KCNH5: variants seen among roughly 807,000 people sequenced by gnomAD.
KCNH5 encodes voltage-gated delayed rectifier potassium channel KCNH5.
Under a neutral mutation model 96.1 loss-of-function variants are expected in KCNH5, and 46 were observed. The observed-to-expected ratio is 0.48, with a 90% CI of 0.38 to 0.61. The LOEUF is 0.61. Ranked by LOEUF, KCNH5 falls within the 20% of genes least tolerant of loss-of-function variation. KCNH5 has a pLI of 0.00. For synonymous variants in KCNH5, 439 were observed against 449.8 expected (o/e 0.98, Z 0.30); for missense variants, 907 against 1,225.8 (o/e 0.74, Z 3.88).
intron 9 of KCNH5, among the ~76,000 whole-genome samples, chr14:62,790,346 CT>C (rs1886407668): frequency 6.6e-6 from 1 of 151,752 alleles, no homozygotes; most frequent in African/African-American, 2.4e-5. Flanking sequence ...ATGCCTCCAA[CT>C]TTGTTCTTTC....
At chr14:62,996,140 G>A (rs1465908666) in intron 4 of KCNH5, among the ~76,000 whole-genome samples, 1 of 152,118 alleles carries the variant, frequency 6.6e-6, no homozygotes, top group Admixed American at 6.6e-5. Context: ...TAGAAAGATA[G>A]GTGCTTATGC....
chr14:62,977,283 C>A (rs1890519867), intron 6 of KCNH5, among the ~76,000 whole-genome samples: 1 of 151,998 alleles, frequency 6.6e-6, no homozygotes, highest in African/African-American at 2.4e-5. Flanking sequence ...AGGAGAATCG[C>A]TTGAACCTGG....
intron 9 of KCNH5, among the ~76,000 whole-genome samples, chr14:62,797,829 C>A (rs554069505): frequency 2.4e-4 from 36 of 151,906 alleles, no homozygotes; most frequent in African/African-American, 8.7e-4. Context: ...AATTCTCATG[C>A]CTCAGCCTCC....
At chr14:62,909,755 G>A (rs575128411) in intron 7 of KCNH5, among the ~76,000 whole-genome samples, 95 of 152,038 alleles carry the variant, frequency 6.2e-4, no homozygotes, top group South Asian at 4.6e-3. Flanking sequence ...GAGTGAGCCC[G>A]CAGAGGCACA....
intron 7 of KCNH5, among the ~76,000 whole-genome samples, chr14:62,935,351 T>G (rs937333823): frequency 1.3e-5 from 2 of 152,226 alleles, no homozygotes. Context: ...ACAAGTTCCC[T>G]GCCTTTGTGG....
intron 10 of KCNH5, among the ~76,000 whole-genome samples, chr14:62,749,275 C>G (rs977709085): frequency 6.6e-6 from 1 of 152,216 alleles, no homozygotes; most frequent in Non-Finnish European, 1.5e-5. Flanking sequence ...TCGAAGGTCA[C>G]TGATTGGCTC....
rs1055994962 is a variant in KCNH5, at chr14:62,707,402, T to C, written c.*106A>G. The C allele has an allele frequency of 3.5e-5, 18 of 517,218 alleles. No individual in the cohort carries two copies. Among genetic ancestry groups the C allele is most frequent in the Non-Finnish European group, 4.8e-5 (16 of 331,346 alleles). 32.0% of individuals were successfully genotyped at this position (517,218 alleles called of 1,614,324 possible). On this transcript the variant is annotated 3_prime_UTR_variant, in exon 11 of 11. Transcript: ENST00000322893. Reference sequence around the variant, plus strand: ...ATATTTACATATCAAAATCCATGTGTGGTCATCATCTTGAAAGCAAGTGAA... The same window carrying C: ...ATATTTACATATCAAAATCCATGTGCGGTCATCATCTTGAAAGCAAGTGAA...
chr14:62,774,223 G>GT (rs1167605729), intron 10 of KCNH5, among the ~76,000 whole-genome samples: 1 of 152,082 alleles, frequency 6.6e-6, no homozygotes, highest in Non-Finnish European at 1.5e-5. Flanking sequence ...GGTGCTTCTG[G>GT]TTTTGTACTG....
Position 62,928,327 on chromosome 14 carries a change from G to A in KCNH5, c.1369+21806C>T, listed in dbSNP as rs560677459. Among the ~76,000 whole-genome samples the A allele has an allele frequency of 3.9e-5, 6 of 152,188 alleles. No homozygotes were observed. The South Asian group carries it at 1.2e-3, about 32-fold the overall frequency. On this transcript the variant is annotated intron_variant, in intron 7 of 10. Coordinates refer to ENST00000322893, the MANE Select transcript of KCNH5 (RefSeq NM_139318.5). Reference sequence around the variant, plus strand: ...TCTTCAATAATAGCCTAGCAGGGAAGACTGGATGCTCATTCAGTTAGGTAG... The same window carrying A: ...TCTTCAATAATAGCCTAGCAGGGAAAACTGGATGCTCATTCAGTTAGGTAG...
chr14:62,709,232 C>CAAAAAAAAAAAAAAAAAAAAAAAAAAAA (rs67304113), intron 10 of KCNH5, among the ~76,000 whole-genome samples: 1 of 71,568 alleles, frequency 1.4e-5, no homozygotes, highest in East Asian at 5.4e-4. Flanking sequence ...GACTCCTTCT[C>CAAAAAAAAAAAAAAAAAAAAAAAAAAAA]AAAAAAAAAA....
At chr14:62,836,213 A>G (rs1193292121) in intron 8 of KCNH5, among the ~76,000 whole-genome samples, 1 of 152,110 alleles carries the variant, frequency 6.6e-6, no homozygotes, top group East Asian at 1.9e-4. Context: ...AAATTTGTAT[A>G]TATTTTTGAA....
intron 10 of KCNH5, among the ~76,000 whole-genome samples, chr14:62,765,834 G>T (rs1013617146): frequency 6.6e-6 from 1 of 151,956 alleles, no homozygotes; most frequent in East Asian, 1.9e-4. Context: ...AAGCAAAAAT[G>T]AACAAACGGG....
At chr14:62,890,417 C>T (rs892747907) in intron 7 of KCNH5, among the ~76,000 whole-genome samples, 1 of 151,292 alleles carries the variant, frequency 6.6e-6, no homozygotes, top group Non-Finnish European at 1.5e-5. Context: ...GGCAAAGGGC[C>T]GGGCGCGGTG....
At chr14:62,782,937 T>C (rs1438809081) in intron 9 of KCNH5, among the ~76,000 whole-genome samples, 1 of 152,236 alleles carries the variant, frequency 6.6e-6, no homozygotes, top group African/African-American at 2.4e-5. Context: ...TTCAAACTAG[T>C]AATCCCAATT....
intron 4 of KCNH5, among the ~76,000 whole-genome samples, chr14:62,991,721 G>A (rs1890811671): frequency 6.6e-6 from 1 of 151,932 alleles, no homozygotes; most frequent in Admixed American, 6.6e-5. Flanking sequence ...GTTCCAAAGA[G>A]TTAGCATTTT....
intron 7 of KCNH5, among the ~76,000 whole-genome samples, chr14:62,910,184 T>C (rs776715172): frequency 6.6e-6 from 1 of 151,480 alleles, no homozygotes; most frequent in African/African-American, 2.4e-5. Flanking sequence ...ACAAGCTTAA[T>C]AGATGCTAAA....
At chr14:62,759,515 A>G (rs748720394) in intron 10 of KCNH5, among the ~76,000 whole-genome samples, 4 of 122,910 alleles carry the variant, frequency 3.3e-5, no homozygotes, top group Non-Finnish European at 7.5e-5. Flanking sequence ...TGAAAATTCA[A>G]ATCCTTTATA....
chr14:62,825,975 G>A (rs889295876), intron 8 of KCNH5, among the ~76,000 whole-genome samples: 2 of 151,978 alleles, frequency 1.3e-5, no homozygotes, highest in African/African-American at 4.8e-5. Flanking sequence ...TATTTGAAAG[G>A]AACTTTATAT....
chr14:62,913,348 C>T (rs930519268), intron 7 of KCNH5, among the ~76,000 whole-genome samples: 1 of 152,082 alleles, frequency 6.6e-6, no homozygotes, highest in African/African-American at 2.4e-5. Flanking sequence ...CTGCCTTAGC[C>T]TTCTGAGTAG....
Sources: gnomAD v4.1 joint callset for allele counts (sites outside exome capture counted in the v4.1 genomes callset) on GRCh38, gnomAD v4.1.1 for gene constraint, MANE v1.5 for transcripts, NCBI Gene and HGNC (gene_info 2026-07-23, HGNC 2026-07-21) for gene names.